Variants in ALG1L2 observed in about 807,000 individuals in gnomAD.
The protein encoded by ALG1L2 is putative glycosyltransferase ALG1L2.
Under a neutral mutation model 29.0 loss-of-function variants are expected in ALG1L2, and 32 were observed. That is an observed-to-expected ratio of 1.10 (90% CI 0.83 to 1.48). The LOEUF (loss-of-function observed/expected upper bound fraction) is 1.48, where lower values mean the gene tolerates loss of function less well. Ranked by LOEUF, ALG1L2 falls within the 40% of genes most tolerant of loss-of-function variation. The pLI is 0.00. For synonymous variants in ALG1L2, 110 were observed against 109.5 expected, an observed-to-expected ratio of 1.00 and a Z score of -0.03; for missense variants, 318 against 274.1, an observed-to-expected ratio of 1.16 and a Z score of -1.13.
chr3:130,089,013 G>A (rs1007462830), intron 1 of ALG1L2, among the ~76,000 whole-genome samples: 4 of 152,298 alleles, frequency 2.6e-5, no homozygotes, highest in Non-Finnish European at 5.9e-5. Context: ...TGGCAGAAGG[G>A]AATTTGGATG....
In ALG1L2 at chr3:130,096,170, G is replaced by C; in HGVS notation, c.539+7G>C. On this transcript the variant is annotated splice_region_variant and intron_variant, in intron 6 of 7. Coordinates refer to ENST00000425059, the MANE Select transcript of ALG1L2 (RefSeq NM_001136152.1). Reference sequence around the variant, plus strand: ...GTGCCGTGAACTTCAAGTGGTAGGAGCAGAACCCGAATTTTTTCTGGGGAT... The same window carrying C: ...GTGCCGTGAACTTCAAGTGGTAGGACCAGAACCCGAATTTTTTCTGGGGAT... The C allele has an allele frequency of 6.2e-7, 1 of 1,611,594 alleles. No individual in the cohort carries two copies. Among genetic ancestry groups the C allele is most frequent in the Non-Finnish European group, 8.5e-7 (1 of 1,179,688 alleles).
chr3:130,087,482 C>T lies in ALG1L2; in HGVS notation c.21-3779C>T, dbSNP rs755005404. 6.8e-4 allele frequency among the ~76,000 whole-genome samples: 92 copies of T among 136,144 alleles called. 1 individual carries two copies. Among genetic ancestry groups the T allele is most frequent in the South Asian group, 4.6e-4 (2 of 4,354 alleles). 89.3% of individuals were successfully genotyped at this position (136,144 alleles called of 152,430 possible). On this transcript the variant is annotated intron_variant, in intron 1 of 7. Coordinates refer to ENST00000425059, the MANE Select transcript of ALG1L2 (RefSeq NM_001136152.1). ...CAATGTACATCATTGGGTTAACTGG[C>T]GAAATCTGAATGAGGTCCATTAGAA...
At chr3:130,095,118 C>T (rs1330881994) in intron 5 of ALG1L2, among the ~76,000 whole-genome samples, 1 of 152,140 alleles carries the variant, frequency 6.6e-6, no homozygotes, top group Non-Finnish European at 1.5e-5. Context: ...ACCTCTGCCT[C>T]CTGGGTTCAA....
intron 6 of ALG1L2, among the ~76,000 whole-genome samples, chr3:130,096,851 G>A (rs1935148015): frequency 2.6e-5 from 4 of 152,182 alleles, no homozygotes; most frequent in African/African-American, 7.2e-5. Flanking sequence ...TCCCCAGGGG[G>A]TTGCCTTTAC....
intron 3 of ALG1L2, 90 bp from the exon 4 acceptor site, chr3:130,093,011 C>G: frequency 8.1e-7 from 1 of 1,238,288 alleles, no homozygotes. Flanking sequence ...GCCTGGGTGA[C>G]AGAGCGAGAG....
Position 130,094,502 on chromosome 3 carries a change from C to A in ALG1L2, c.413C>A (p.Pro138His). Residue 138 changes from proline (P) to histidine (H), a missense_variant, in exon 5 of 8, where the codon CCC becomes CAC. Transcript: ENST00000425059. The part of the protein sequence containing the change: ...CIPWLEGRGL[P>H]PLLGSVDLDV... ...CCCTGGCTGGAGGGCCGAGGACTAC[C>A]CCCGCTTCTAGGTGAGAGGCCAGCA... The A allele has an allele frequency of 6.3e-7, 1 of 1,595,758 alleles. No individual in the cohort carries two copies. Among genetic ancestry groups the A allele is most frequent in the African/African-American group, 1.3e-5 (1 of 74,920 alleles).
rs912293352 is a variant in ALG1L2 at position 130,082,147 on chromosome 3, C to T, written c.20+111C>T. On this transcript the variant is annotated intron_variant, in intron 1 of 7. Coordinates refer to ENST00000425059, the MANE Select transcript of ALG1L2 (RefSeq NM_001136152.1). ...AGAAATCAGGGTACAGGCAGTCCTCCGGAGTAGAAATGAGGAAGGTGCCAA... is the reference window on the plus strand; with the variant it reads ...AGAAATCAGGGTACAGGCAGTCCTCTGGAGTAGAAATGAGGAAGGTGCCAA... The T allele has an allele frequency of 2.4e-5, 31 of 1,315,444 alleles. No individual in the cohort carries two copies. In the East Asian group the frequency reaches 3.0e-4, roughly 13 times the overall value. The allele number at this position is 1,315,444 out of a possible 1,614,324, so 81.5% of individuals were successfully genotyped here. A position where few individuals can be genotyped will look rare whatever the true frequency, so the allele number is the denominator to read the frequency against.
chr3:130,097,099 G>C, intron 6 of ALG1L2, 76 bp from the exon 7 acceptor site: 5 of 1,583,252 alleles, frequency 3.2e-6, no homozygotes, highest in Non-Finnish European at 4.3e-6. Context: ...TGGGGTGGGT[G>C]GGAGCCCAGC....
intron 1 of ALG1L2, among the ~76,000 whole-genome samples, chr3:130,082,336 T>C (rs567831059): frequency 1.5e-5 from 2 of 131,560 alleles, no homozygotes; most frequent in East Asian, 4.2e-4. Flanking sequence ...ATTTTATGTG[T>C]GAATCTATGT....
At chr3:130,087,457 C>T (rs1934916353) in intron 1 of ALG1L2, among the ~76,000 whole-genome samples, 1 of 147,984 alleles carries the variant, frequency 6.8e-6, no homozygotes, top group South Asian at 2.2e-4. Flanking sequence ...TCGTTTGCTC[C>T]AATGTACATC....
Position 130,091,344 on chromosome 3 carries a change from G to T in ALG1L2, c.104G>T (p.Gly35Val). 1 of 1,597,486 alleles carries T rather than the reference G, an allele frequency of 6.3e-7. No homozygotes were observed. Residue 35 changes from glycine to valine, a missense_variant, in exon 2 of 8, where the codon GGC becomes GTC. Physicochemically the swap from Gly to Val is moderately radical, Grantham distance 109. Coordinates refer to ENST00000425059, the MANE Select transcript of ALG1L2 (RefSeq NM_001136152.1). ...CAGCACCGGCTCTTCATGAAGCTGG[G>T]CAGCACGCACTCTCCGTTCAGGGCC... is the stretch of plus-strand genomic sequence containing the variant. Reference protein sequence around the residue: ...DLQHRLFMKLGSTHSPFRARS... With the variant: ...DLQHRLFMKLVSTHSPFRARS...
chr3:130,089,544 T>C (rs1320523969), intron 1 of ALG1L2: 1 of 152,302 alleles, frequency 6.6e-6, no homozygotes, highest in Non-Finnish European at 1.5e-5. Flanking sequence ...TAAGTATTCA[T>C]TAATGTTGAA....
chr3:130,087,898 G>T (rs1176180483), intron 1 of ALG1L2, among the ~76,000 whole-genome samples: 6 of 70,038 alleles, frequency 8.6e-5, no homozygotes, highest in Non-Finnish European at 1.6e-4. Flanking sequence ...TTAGCTGGGG[G>T]TGAAACTCCA....
At chr3:130,084,299 C>CCCCA (rs376123466) in intron 1 of ALG1L2, among the ~76,000 whole-genome samples, 1 of 145,716 alleles carries the variant, frequency 6.9e-6, no homozygotes, top group African/African-American at 2.5e-5. Context: ...TTCCCCCCCT[C>CCCCA]AAAAAAAATT....
intron 4 of ALG1L2, 119 bp from the exon 5 acceptor site, chr3:130,094,284 C>G (rs1935082757): frequency 4.6e-6 from 6 of 1,307,554 alleles, no homozygotes; most frequent in Admixed American, 1.8e-5. Context: ...CTGACTGCAG[C>G]TGCCGAGGGG....
intron 1 of ALG1L2, 75 bp from the exon 2 acceptor site, chr3:130,091,186 C>A (rs2108119949): frequency 1.4e-6 from 2 of 1,434,426 alleles, no homozygotes; most frequent in Non-Finnish European, 9.6e-7. Context: ...GGCATGGAAC[C>A]CAAATGAGTG....
rs777256138 is a variant in ALG1L2 at position 130,094,476 on chromosome 3, C to A, written c.387C>A (p.Ile129=). The A allele has an allele frequency of 4.2e-4, 672 of 1,596,098 alleles. No individual in the cohort carries two copies. Among genetic ancestry groups the A allele is most frequent in the Non-Finnish European group, 5.1e-4 (602 of 1,179,626 alleles). ...QKHFQHIQVC[I]PWLEGRGLPP... is the part of the protein sequence containing the mutation. ...ATTTCCAGCACATCCAGGTCTGCAT[C>A]CCCTGGCTGGAGGGCCGAGGACTAC... Residue 129 remains isoleucine (I), a synonymous_variant, in exon 5 of 8, where the codon ATC becomes ATA. Transcript: ENST00000425059.
chr3:130,090,261 C>T (rs1202606881), intron 1 of ALG1L2, among the ~76,000 whole-genome samples: 1 of 152,276 alleles, frequency 6.6e-6, no homozygotes, highest in Non-Finnish European at 1.5e-5. Flanking sequence ...GAGGCTGAGG[C>T]AGGAGAATCA....
At chr3:130,086,170 C>G (rs1559784898) in intron 1 of ALG1L2, among the ~76,000 whole-genome samples, 1 of 151,290 alleles carries the variant, frequency 6.6e-6, no homozygotes, top group Admixed American at 6.6e-5. Context: ...AGAGGTTAAT[C>G]TGTGGGTAAA....
Sources: gnomAD v4.1 joint callset for allele counts (sites outside exome capture counted in the v4.1 genomes callset) on GRCh38, gnomAD v4.1.1 for gene constraint, MANE v1.5 for transcripts, NCBI Gene and HGNC (gene_info 2026-07-23, HGNC 2026-07-21) for gene names.